COPS2: variants seen among roughly 807,000 people sequenced by gnomAD.
COPS2 encodes COP9 signalosome complex subunit 2.
In COPS2, 10 loss-of-function variants were observed where a neutral mutation model predicts 66.1. The ratio of observed to expected loss-of-function variants is 0.15; its 90% CI spans 0.09 to 0.26. COPS2 has a LOEUF of 0.26. Ranked by LOEUF, COPS2 falls within the 10% of genes least tolerant of loss-of-function variation. The pLI is 1.00. For synonymous variants in COPS2, 179 were observed against 171.3 expected, an observed-to-expected ratio of 1.04 and a Z score of -0.35; for missense variants, 215 against 513.3, an observed-to-expected ratio of 0.42 and a Z score of 5.62.
In COPS2 at chr15:49,127,830, C is replaced by T. The variant is rs2084179179; in HGVS notation, c.*120G>A. ...CCAGTTGATCAAAAAAGCACTTCTG[C>T]CATAACTCCAATAATTTTCAGGACA... On this transcript the variant is annotated 3_prime_UTR_variant, in exon 13 of 13. Coordinates refer to ENST00000388901, the MANE Select transcript of COPS2 (RefSeq NM_004236.4). 9.5e-7 allele frequency: 1 copy of T among 1,056,210 alleles called. No homozygotes were observed. 65.4% of individuals were successfully genotyped at this position (1,056,210 alleles called of 1,614,324 possible). A position where few individuals can be genotyped will look rare whatever the true frequency, so the allele number is the denominator to read the frequency against.
intron 9 of COPS2, among the ~76,000 whole-genome samples, chr15:49,132,659 T>A (rs2084220267): frequency 6.9e-6 from 1 of 145,002 alleles, no homozygotes; most frequent in African/African-American, 2.6e-5. Flanking sequence ...CAACTTAAAA[T>A]AAAAGACTTG....
Position 49,127,779 on chromosome 15 carries a change from G to T in COPS2, c.*171C>A. ...CTGGAGATTAAAGCTGTTTTTCTTG[G>T]GATAAATGCAGCAGCAAAACACAAA... On this transcript the variant is annotated 3_prime_UTR_variant, in exon 13 of 13. Coordinates refer to ENST00000388901, the MANE Select transcript of COPS2 (RefSeq NM_004236.4). 1.6e-6 allele frequency: 1 copy of T among 632,528 alleles called. No individual in the cohort carries two copies. 39.2% of individuals were successfully genotyped at this position (632,528 alleles called of 1,614,324 possible). A position where few individuals can be genotyped will look rare whatever the true frequency, so the allele number is the denominator to read the frequency against.
At chr15:49,144,654 C>A (rs1204448357) in intron 2 of COPS2, among the ~76,000 whole-genome samples, 1 of 152,076 alleles carries the variant, frequency 6.6e-6, no homozygotes, top group East Asian at 1.9e-4. Flanking sequence ...AATAATGAAA[C>A]CACAACTGTA....
At position 49,134,271 on chromosome 15, in the gene COPS2, A is replaced by T. The variant is rs563964522; in HGVS notation, c.715+69T>A. ...CAAGGTATACACTGAAGTTCTAAAAAGCAAGAGTTTAATTAAACACTTTGA... is the reference window on the plus strand; with the variant it reads ...CAAGGTATACACTGAAGTTCTAAAATGCAAGAGTTTAATTAAACACTTTGA... On this transcript the variant is annotated intron_variant, in intron 7 of 12. Coordinates refer to ENST00000388901, the MANE Select transcript of COPS2 (RefSeq NM_004236.4). 394 of 1,519,114 alleles carry T rather than the reference A, an allele frequency of 2.6e-4. 4 individuals are homozygous for T. In the South Asian group the frequency reaches 4.9e-3, roughly 19 times the overall value. 94.1% of individuals were successfully genotyped at this position (1,519,114 alleles called of 1,614,324 possible). A position where few individuals can be genotyped will look rare whatever the true frequency, so the allele number is the denominator to read the frequency against.
chr15:49,130,844 G>T, intron 9 of COPS2, 28 bp from the exon 10 acceptor site: 3 of 1,240,038 alleles, frequency 2.4e-6, no homozygotes, highest in Non-Finnish European at 2.4e-6. Flanking sequence ...TGTAAATTAT[G>T]TCAAACATGA....
At position 49,123,186 on chromosome 15, in the gene COPS2, A is replaced by G. The variant is rs1450020917; in HGVS notation, c.*4764T>C. 6.6e-6 allele frequency: 1 copy of G among 152,224 alleles called. No homozygotes were observed. The highest frequency in any genetic ancestry group is 1.5e-5 in the Non-Finnish European group (1 of 68,036). The allele number at this position is 152,224 out of a possible 1,614,324, so 9.4% of individuals were successfully genotyped here. A position where few individuals can be genotyped will look rare whatever the true frequency, so the allele number is the denominator to read the frequency against. On this transcript the variant is annotated 3_prime_UTR_variant, in exon 13 of 13. Transcript: ENST00000388901. ...AATTAGATACTCAACACTTGGCATT[A>G]ATATGTTGCTAATAAGCATGCCAAA...
chr15:49,152,275 CT>C (rs961580218), intron 1 of COPS2, among the ~76,000 whole-genome samples: 74 of 146,710 alleles, frequency 5.0e-4, no homozygotes, highest in African/African-American at 1.3e-3. Context: ...CTTCATTAAT[CT>C]TTTTTTTTTA....
chr15:49,125,774 A>T lies in COPS2; in HGVS notation c.*2176T>A, dbSNP rs991192098. Reference sequence around the variant, plus strand: ...AGCTATGTAATACACAATTACAATAAATTATTATGGTATAACTTTGGATAC... The same window carrying T: ...AGCTATGTAATACACAATTACAATATATTATTATGGTATAACTTTGGATAC... On this transcript the variant is annotated 3_prime_UTR_variant, in exon 13 of 13. Transcript: ENST00000388901. The T allele has an allele frequency of 3.3e-5, 5 of 152,122 alleles. No individual in the cohort carries two copies. Among genetic ancestry groups the T allele is most frequent in the African/African-American group, 4.8e-5 (2 of 41,460 alleles). 9.4% of individuals were successfully genotyped at this position (152,122 alleles called of 1,614,324 possible).
intron 1 of COPS2, among the ~76,000 whole-genome samples, chr15:49,148,565 A>G (rs1472925648): frequency 6.6e-6 from 1 of 152,186 alleles, no homozygotes; most frequent in East Asian, 1.9e-4. Context: ...ATGAACTGGT[A>G]TTGAACAGAG....
At position 49,126,887 on chromosome 15, in the gene COPS2, A is replaced by C. The variant is rs1467797060; in HGVS notation, c.*1063T>G. 1 of 152,176 alleles carries C rather than the reference A, an allele frequency of 6.6e-6. No individual in the cohort carries two copies. The highest frequency in any genetic ancestry group is 1.5e-5 in the Non-Finnish European group (1 of 68,002). The allele number at this position is 152,176 out of a possible 1,614,324, so 9.4% of individuals were successfully genotyped here. On this transcript the variant is annotated 3_prime_UTR_variant, in exon 13 of 13. Transcript: ENST00000388901. ...TTTTTTAAAACAATGTATAATCATA[A>C]AGTTTAGTGTGTGTGACAAATTAAC...
At chr15:49,149,133 A>C (rs2084341280) in intron 1 of COPS2, among the ~76,000 whole-genome samples, 1 of 152,212 alleles carries the variant, frequency 6.6e-6, no homozygotes, top group African/African-American at 2.4e-5. Context: ...GGGATTAAAA[A>C]TAAAAAAACC....
Position 49,144,968 on chromosome 15 carries a change from T to G in COPS2, c.165A>C (p.Gln55His). The change falls in exon 2 of 13, where the codon CAA (glutamine) becomes CAC (histidine). Residue 55 changes from glutamine (Q) to histidine (H), a missense_variant. This residue lies in a region of COPS2 where 90 missense variants were observed against 225.1 expected (regional missense o/e 0.40). Coordinates refer to ENST00000388901, the MANE Select transcript of COPS2 (RefSeq NM_004236.4). ...TCAAATGGAAAAGAATATAAACCTT[T>G]TGGAAACTGCTTAATGCCGCTTTTG... ...DDPKAALSSF[Q>H]KVLELEGEKG... The G allele has an allele frequency of 6.4e-7, 1 of 1,554,922 alleles. No individual in the cohort carries two copies.
chr15:49,130,451 T>C (rs1472971840), intron 10 of COPS2, among the ~76,000 whole-genome samples: 1 of 152,164 alleles, frequency 6.6e-6, no homozygotes, highest in African/African-American at 2.4e-5. Context: ...ACAGCATCTA[T>C]ATTAGATTTT....
Position 49,131,579 on chromosome 15 carries a change from T to A in COPS2, c.948-763A>T, listed in dbSNP as rs75001336. ...CGCCCTCTGCTAGTGCTTCCATCTGTTGGGTCCCAATGTAACCTCATATTA... is the reference window on the plus strand; with the variant it reads ...CGCCCTCTGCTAGTGCTTCCATCTGATGGGTCCCAATGTAACCTCATATTA... On this transcript the variant is annotated intron_variant, in intron 9 of 12. Coordinates refer to ENST00000388901, the MANE Select transcript of COPS2 (RefSeq NM_004236.4). Among the ~76,000 whole-genome samples the A allele has an allele frequency of 1.3e-3, 193 of 152,134 alleles. 5 individuals are homozygous for A. In the East Asian group the frequency reaches 0.034, roughly 27 times the overall value.
At chr15:49,139,700 A>T (rs769736178) in intron 3 of COPS2, 47 bp from the exon 4 acceptor site, 18 of 1,394,248 alleles carry the variant, frequency 1.3e-5, no homozygotes, top group Non-Finnish European at 1.8e-5. Flanking sequence ...TTAGGTACTA[A>T]AATATGTACA....
intron 3 of COPS2, among the ~76,000 whole-genome samples, chr15:49,141,708 G>A (rs1566884747): frequency 6.6e-6 from 1 of 152,132 alleles, no homozygotes; most frequent in East Asian, 1.9e-4. Flanking sequence ...ATCAGAAAAC[G>A]AGAGGGGCAG....
intron 1 of COPS2, among the ~76,000 whole-genome samples, chr15:49,151,703 T>G (rs1442778639): frequency 2.6e-5 from 4 of 152,052 alleles, no homozygotes; most frequent in Non-Finnish European, 5.9e-5. Flanking sequence ...TACCACAGAT[T>G]ACTATGTTTA....
chr15:49,129,075 T>A (rs567664546), intron 11 of COPS2, among the ~76,000 whole-genome samples: 10 of 152,304 alleles, frequency 6.6e-5, no homozygotes, highest in African/African-American at 2.4e-4. Flanking sequence ...AAAAAGAAAT[T>A]TAGTGATTCC....
At chr15:49,141,638 AC>A (rs2141129383) in intron 3 of COPS2, among the ~76,000 whole-genome samples, 1 of 152,260 alleles carries the variant, frequency 6.6e-6, no homozygotes, top group African/African-American at 2.4e-5. Context: ...TTGATAGTGA[AC>A]CCTTCCAACT....
Sources: allele counts gnomAD v4.1 joint callset (sites outside exome capture counted in the v4.1 genomes callset), GRCh38; gene constraint gnomAD v4.1.1; regional missense constraint gnomAD v4.1.1; transcripts MANE v1.5; gene names NCBI Gene and HGNC (gene_info 2026-07-23, HGNC 2026-07-21).